Variants in ZNF782 observed in about 807,000 individuals in gnomAD.
ZNF782 encodes the protein zinc finger protein 782.
In ZNF782, 12 loss-of-function variants were observed where a neutral mutation model predicts 13.0. That is an observed-to-expected ratio of 0.92 (90% CI 0.59 to 1.50). The LOEUF (loss-of-function observed/expected upper bound fraction) is 1.50, where lower values mean the gene tolerates loss of function less well. Ranked by LOEUF, ZNF782 falls within the 40% of genes most tolerant of loss-of-function variation. The pLI, the probability that ZNF782 is intolerant of heterozygous loss-of-function variation, is 0.00. For synonymous variants in ZNF782, 284 were observed against 283.0 expected (o/e 1.00, Z -0.04); for missense variants, 770 against 822.9 (o/e 0.94, Z 0.79).
chr9:96,843,158 A>G (rs1482760421), intron 4 of ZNF782, among the ~76,000 whole-genome samples: 1 of 152,186 alleles, frequency 6.6e-6, no homozygotes, highest in African/African-American at 2.4e-5. Context: ...AGAATAAAAC[A>G]TAACTTACCA....
the ZNF782 span, among the ~76,000 whole-genome samples, chr9:96,898,382 A>G: frequency 1.1e-4 from 16 of 148,034 alleles, 3 homozygotes; most frequent in East Asian, 3.7e-3. Context: ...GACGTTCCAT[A>G]TAATTGGAAC....
intron 1 of ZNF782, among the ~76,000 whole-genome samples, chr9:96,862,346 C>T (rs924046336): frequency 6.6e-6 from 1 of 152,132 alleles, no homozygotes. Context: ...ATTATTTAAT[C>T]GTACATTTTA....
At chr9:96,922,879 C>T in the ZNF782 span, among the ~76,000 whole-genome samples, 2 of 150,136 alleles carry the variant, frequency 1.3e-5, no homozygotes, top group Admixed American at 6.6e-5. Context: ...TAGCACAGGT[C>T]ACTGTTCCTT....
At chr9:96,892,249 A>G in the ZNF782 span, 1 of 152,212 alleles carries the variant, frequency 6.6e-6, no homozygotes, top group African/African-American at 2.4e-5. Context: ...AGCATTATTA[A>G]TAATAGCCCA....
At chr9:96,911,676 A>G in the ZNF782 span, among the ~76,000 whole-genome samples, 3 of 150,928 alleles carry the variant, frequency 2.0e-5, no homozygotes, top group South Asian at 2.1e-4. Flanking sequence ...GCCCGCCACT[A>G]CACCCGGCTA....
At chr9:96,889,737 C>T in the ZNF782 span, 2 of 152,092 alleles carry the variant, frequency 1.3e-5, no homozygotes, top group African/African-American at 2.4e-5. Context: ...TTATTAATTT[C>T]ATCTTTATCC....
In ZNF782 at chr9:96,816,372, G is replaced by C. The variant is rs146918917; in HGVS notation, c.*1551C>G. ...CACAATTCTTTTACAGCAATGTTGAGGTCTAAGAAACATAAAACAAATACC... is the reference window on the plus strand; with the variant it reads ...CACAATTCTTTTACAGCAATGTTGACGTCTAAGAAACATAAAACAAATACC... On this transcript the variant is annotated 3_prime_UTR_variant, in exon 6 of 6. Transcript: ENST00000481138. 1 of 152,218 alleles carries C rather than the reference G, an allele frequency of 6.6e-6. No individual in the cohort carries two copies. The highest frequency in any genetic ancestry group is 2.4e-5 in the African/African-American group (1 of 41,548). 9.4% of individuals were successfully genotyped at this position (152,218 alleles called of 1,614,324 possible).
chr9:96,864,128 A>T (rs941851834), intron 1 of ZNF782, among the ~76,000 whole-genome samples: 13 of 148,530 alleles, frequency 8.8e-5, no homozygotes, highest in Admixed American at 6.1e-4. Context: ...ATATATATAT[A>T]TTTTATATAT....
chr9:96,889,291 T>C, the ZNF782 span: 1 of 152,124 alleles, frequency 6.6e-6, no homozygotes, highest in Non-Finnish European at 1.5e-5. Flanking sequence ...AAGCAGGCAT[T>C]CACGCCACCA....
chr9:96,863,251 T>C (rs1328752161), intron 1 of ZNF782, among the ~76,000 whole-genome samples: 4 of 152,188 alleles, frequency 2.6e-5, no homozygotes, highest in Non-Finnish European at 5.9e-5. Context: ...TTTTAGAATA[T>C]ATTTTCTTTC....
intron 3 of ZNF782, among the ~76,000 whole-genome samples, chr9:96,851,576 T>G (rs148848819): frequency 6.6e-6 from 1 of 152,216 alleles, no homozygotes. Flanking sequence ...TAGGAAAACA[T>G]GTAAGAAGCA....
upstream of ZNF782, among the ~76,000 whole-genome samples, chr9:96,855,105 C>G (rs1851623613): frequency 6.6e-6 from 1 of 152,164 alleles, no homozygotes; most frequent in Non-Finnish European, 1.5e-5. Flanking sequence ...GGGTCGAGCC[C>G]GGTGCTGCAG....
At chr9:96,907,023 CA>C in the ZNF782 span, among the ~76,000 whole-genome samples, 2 of 151,734 alleles carry the variant, frequency 1.3e-5, no homozygotes, top group African/African-American at 4.8e-5. Flanking sequence ...CAACAATACC[CA>C]AAAGAATTGA....
chr9:96,910,706 G>T, the ZNF782 span, among the ~76,000 whole-genome samples: 2 of 148,026 alleles, frequency 1.4e-5, no homozygotes, highest in African/African-American at 5.0e-5. Flanking sequence ...GTGCGATCTC[G>T]GCTCACTGCA....
chr9:96,886,115 T>C, the ZNF782 span, among the ~76,000 whole-genome samples: 4 of 151,546 alleles, frequency 2.6e-5, no homozygotes, highest in Non-Finnish European at 5.9e-5. Context: ...CCCAAAGTGC[T>C]GGGATTATAG....
In ZNF782 at chr9:96,827,201, T is replaced by A; in HGVS notation, c.143-20A>T. 1 of 1,563,518 alleles carries A rather than the reference T, an allele frequency of 6.4e-7. No homozygotes were observed. The highest frequency in any genetic ancestry group is 8.8e-7 in the Non-Finnish European group (1 of 1,141,646). ...AGTAGCCTATAAATGGGAAACAATT[T>A]AGCATTTGCATTAGTTGCATAGGTT... is the stretch of plus-strand genomic sequence containing the variant. On this transcript the variant is annotated intron_variant, in intron 4 of 5. Coordinates refer to ENST00000481138, the MANE Select transcript of ZNF782 (RefSeq NM_001001662.3).
intron 1 of ZNF782, among the ~76,000 whole-genome samples, chr9:96,873,834 G>A (rs1851857997): frequency 1.3e-5 from 2 of 152,192 alleles, no homozygotes; most frequent in South Asian, 4.1e-4. Context: ...GAATATAAAC[G>A]TGACTGAAAG....
chr9:96,865,115 T>C (rs1851741622), intron 1 of ZNF782, among the ~76,000 whole-genome samples: 1 of 152,164 alleles, frequency 6.6e-6, no homozygotes, highest in African/African-American at 2.4e-5. Context: ...GGTAGAGGGC[T>C]GCTCCCAGCC....
chr9:96,917,849 G>A, the ZNF782 span, among the ~76,000 whole-genome samples: 1 of 148,858 alleles, frequency 6.7e-6, no homozygotes, highest in East Asian at 2.0e-4. Context: ...TCAGCTTCCT[G>A]AGTAGCTGGG....
Sources: allele counts gnomAD v4.1 joint callset (sites outside exome capture counted in the v4.1 genomes callset), GRCh38; gene constraint gnomAD v4.1.1; transcripts MANE v1.5; gene names NCBI Gene and HGNC (gene_info 2026-07-23, HGNC 2026-07-21).